R3HDM1: variants seen among roughly 807,000 people sequenced by gnomAD.
R3HDM1 encodes the protein R3H domain-containing protein 1.
Under a neutral mutation model 141.1 loss-of-function variants are expected in R3HDM1, and 46 were observed. The observed-to-expected ratio is 0.33, with a 90% confidence interval of 0.26 to 0.42. R3HDM1 has a LOEUF of 0.42. Among genes scored for constraint, R3HDM1 ranks in the 10% least tolerant of loss-of-function variants. R3HDM1 has a pLI of 1.00. For synonymous variants in R3HDM1, 435 were observed against 472.9 expected, an observed-to-expected ratio of 0.92 and a Z score of 1.04; for missense variants, 1,184 against 1,368.3, an observed-to-expected ratio of 0.87 and a Z score of 2.12.
At chr2:135,616,460 A>G (rs1056978734) in intron 4 of R3HDM1, among the ~76,000 whole-genome samples, 7 of 152,040 alleles carry the variant, frequency 4.6e-5, no homozygotes, top group African/African-American at 1.2e-4. Flanking sequence ...CATTCTTTCT[A>G]TTGCTATAAT....
At chr2:135,694,933 T>G (rs570125936) in intron 21 of R3HDM1, among the ~76,000 whole-genome samples, 4 of 152,146 alleles carry the variant, frequency 2.6e-5, no homozygotes, top group Admixed American at 1.3e-4. Context: ...TACCAGCCAC[T>G]GGCAAAACTT....
At chr2:135,538,468 C>T (rs976877231) in intron 1 of R3HDM1, among the ~76,000 whole-genome samples, 1 of 152,094 alleles carries the variant, frequency 6.6e-6, no homozygotes, top group African/African-American at 2.4e-5. Flanking sequence ...TTTGCAGTAA[C>T]TTTTTACTTT....
chr2:135,536,362 T>A (rs529697148), intron 1 of R3HDM1: 1 of 170,282 alleles, frequency 5.9e-6, no homozygotes, highest in African/African-American at 2.4e-5. Flanking sequence ...CCCAGGCTGG[T>A]CTCCCACCTC....
At chr2:135,642,487 C>T (rs932707904) in intron 15 of R3HDM1, among the ~76,000 whole-genome samples, 2 of 152,032 alleles carry the variant, frequency 1.3e-5, no homozygotes, top group African/African-American at 2.4e-5. Flanking sequence ...GAAGAAACTG[C>T]AGTTATAGTA....
intron 1 of R3HDM1, among the ~76,000 whole-genome samples, chr2:135,600,754 T>G (rs1190284210): frequency 6.6e-6 from 1 of 152,214 alleles, no homozygotes; most frequent in East Asian, 1.9e-4. Flanking sequence ...TGTGGCATAT[T>G]ACCAAGTTTT....
intron 3 of R3HDM1, among the ~76,000 whole-genome samples, chr2:135,610,588 C>A (rs1406533205): frequency 2.0e-5 from 3 of 152,150 alleles, no homozygotes; most frequent in African/African-American, 7.2e-5. Flanking sequence ...AGCAATGAAT[C>A]TAATAAGGCT....
intron 1 of R3HDM1, among the ~76,000 whole-genome samples, chr2:135,557,147 A>C (rs1356085048): frequency 6.6e-6 from 1 of 152,298 alleles, no homozygotes; most frequent in East Asian, 1.9e-4. Flanking sequence ...CAGATCTAGA[A>C]TTCTAGGACA....
intron 1 of R3HDM1, among the ~76,000 whole-genome samples, chr2:135,545,600 C>T (rs1698522376): frequency 6.6e-6 from 1 of 152,182 alleles, no homozygotes; most frequent in South Asian, 2.1e-4. Context: ...TACTGAAGTT[C>T]AGCAGTGTTT....
At chr2:135,657,320 A>G (rs2066042501) in intron 18 of R3HDM1, among the ~76,000 whole-genome samples, 1 of 151,560 alleles carries the variant, frequency 6.6e-6, no homozygotes, top group East Asian at 1.9e-4. Flanking sequence ...CTGAGGCAGG[A>G]TAATTGCTTG....
intron 19 of R3HDM1, among the ~76,000 whole-genome samples, chr2:135,664,536 A>G (rs1284586278): frequency 1.3e-5 from 2 of 152,310 alleles, no homozygotes; most frequent in South Asian, 2.1e-4. Flanking sequence ...TTTAGACCAG[A>G]TAGGGTATGG....
At chr2:135,696,992 A>G (rs1305255648) in intron 21 of R3HDM1, among the ~76,000 whole-genome samples, 4 of 152,230 alleles carry the variant, frequency 2.6e-5, no homozygotes, top group Non-Finnish European at 4.4e-5. Context: ...AATTTAATCA[A>G]AAGTGTTTTT....
chr2:135,632,568 G>T (rs2062826253), intron 9 of R3HDM1, among the ~76,000 whole-genome samples: 1 of 152,158 alleles, frequency 6.6e-6, no homozygotes, highest in Non-Finnish European at 1.5e-5. Flanking sequence ...TTGCTTTATA[G>T]TGTTACGGAA....
Position 135,639,135 on chromosome 2 carries a change from A to G in R3HDM1, c.1219+13A>G, listed in dbSNP as rs372852009. ...CTTTCAAAAACAGGTATAAATATCTACACAAAACTGTGCAGTCAAGTCATT... is the reference window on the plus strand; with the variant it reads ...CTTTCAAAAACAGGTATAAATATCTGCACAAAACTGTGCAGTCAAGTCATT... On this transcript the variant is annotated intron_variant, in intron 14 of 26. Coordinates refer to ENST00000683871, the MANE Select transcript of R3HDM1 (RefSeq NM_001378107.1). 6.2e-7 allele frequency: 1 copy of G among 1,610,092 alleles called. No individual in the cohort carries two copies. Among genetic ancestry groups the G allele is most frequent in the Non-Finnish European group, 8.5e-7 (1 of 1,176,446 alleles).
intron 7 of R3HDM1, among the ~76,000 whole-genome samples, chr2:135,627,557 A>T (rs578184943): frequency 5.9e-5 from 9 of 152,192 alleles, no homozygotes; most frequent in African/African-American, 1.9e-4. Context: ...ATAATTTTAT[A>T]TGTATTTTTG....
chr2:135,643,016 A>G (rs2063969046), intron 15 of R3HDM1, among the ~76,000 whole-genome samples: 1 of 152,170 alleles, frequency 6.6e-6, no homozygotes, highest in South Asian at 2.1e-4. Flanking sequence ...TCAAAACATA[A>G]TATGGTTTTG....
At chr2:135,625,276 C>T (rs1250310232) in intron 7 of R3HDM1, among the ~76,000 whole-genome samples, 2 of 152,050 alleles carry the variant, frequency 1.3e-5, no homozygotes, top group Non-Finnish European at 2.9e-5. Flanking sequence ...ATGGTGAAAC[C>T]CCGTCTCTAC....
chr2:135,624,965 G>A (rs2061863292), intron 7 of R3HDM1, among the ~76,000 whole-genome samples: 1 of 152,176 alleles, frequency 6.6e-6, no homozygotes, highest in South Asian at 2.1e-4. Context: ...GCATGTGCTT[G>A]TAGTCCCACC....
chr2:135,717,604 C>T (rs2076296930), intron 24 of R3HDM1, among the ~76,000 whole-genome samples: 1 of 152,058 alleles, frequency 6.6e-6, no homozygotes, highest in African/African-American at 2.4e-5. Context: ...TGAAAAATAC[C>T]TATTGGGTAC....
At chr2:135,623,970 A>G (rs2061748001) in intron 7 of R3HDM1, among the ~76,000 whole-genome samples, 1 of 152,188 alleles carries the variant, frequency 6.6e-6, no homozygotes, top group Admixed American at 6.5e-5. Context: ...AGTGTTTTAT[A>G]TTGGAGCTGT....
Sources: gnomAD v4.1 joint callset for allele counts (sites outside exome capture counted in the v4.1 genomes callset) on GRCh38, gnomAD v4.1.1 for gene constraint, MANE v1.5 for transcripts, NCBI Gene and HGNC (gene_info 2026-07-23, HGNC 2026-07-21) for gene names.